Variants in ESPN observed in about 807,000 individuals in gnomAD.
ESPN encodes espin.
In ESPN, 68 loss-of-function variants were observed where a neutral mutation model predicts 77.7. The ratio of observed to expected loss-of-function variants is 0.87; its 90% CI spans 0.72 to 1.07. The LOEUF is 1.07. Ranked by LOEUF, ESPN falls within the 50% of genes least tolerant of loss-of-function variation. ESPN has a pLI of 0.00. For missense variants in ESPN, 1,060 were observed against 1,239.0 expected, an observed-to-expected ratio of 0.86 and a Z score of 2.17; for synonymous variants, 449 against 567.1, an observed-to-expected ratio of 0.79 and a Z score of 2.96.
At chr1:6,440,008 C>CAA (rs61328926) in intron 2 of ESPN, among the ~76,000 whole-genome samples, 5 of 148,440 alleles carry the variant, frequency 3.4e-5, no homozygotes, top group African/African-American at 7.4e-5. Flanking sequence ...GACTTCTTCT[C>CAA]AAAAAAAAAA....
intron 8 of ESPN, among the ~76,000 whole-genome samples, chr1:6,449,748 T>A (rs1045713129): frequency 3.3e-5 from 5 of 152,170 alleles, no homozygotes; most frequent in Non-Finnish European, 5.9e-5. Flanking sequence ...CAACCTTTTT[T>A]AAGAGCTAGA....
At chr1:6,432,501 A>G (rs1643287295) in intron 2 of ESPN, among the ~76,000 whole-genome samples, 1 of 152,208 alleles carries the variant, frequency 6.6e-6, no homozygotes, top group Non-Finnish European at 1.5e-5. Context: ...CCCTCACAGC[A>G]GGAGACCATC....
intron 2 of ESPN, 144 bp from the exon 3 acceptor site, chr1:6,440,110 G>C (rs1464556365): frequency 1.1e-6 from 1 of 877,878 alleles, no homozygotes; most frequent in South Asian, 1.4e-5. Flanking sequence ...GGAGCCCCCC[G>C]GGCAGCAGCG....
chr1:6,441,368 G>A (rs1251814134), intron 5 of ESPN, among the ~76,000 whole-genome samples: 3 of 152,200 alleles, frequency 2.0e-5, no homozygotes, highest in Admixed American at 2.0e-4. Flanking sequence ...ACATTAGCTT[G>A]GGTATAACTC....
rs1643074740 is a variant in ESPN at position 6,427,330 on chromosome 1, G to A, written c.295-896G>A. ...CCAAGTGCGGCAGCCTCTGTGTCTA[G>A]ATGTTCCCGGGAATTCTCCTCCCAG... On this transcript the variant is annotated intron_variant, in intron 1 of 12. Coordinates refer to ENST00000645284, the MANE Select transcript of ESPN (RefSeq NM_031475.3). The surrounding 1 kb of genome is among the most constrained non-coding windows in gnomAD (Gnocchi z 4.6). 6.6e-6 allele frequency among the ~76,000 whole-genome samples: 1 copy of A among 152,116 alleles called. No homozygotes were observed. The highest frequency in any genetic ancestry group is 2.1e-4 in the South Asian group (1 of 4,830).
At chr1:6,457,060 T>A in intron 10 of ESPN, 124 bp from the exon 11 acceptor site, 1 of 977,382 alleles carries the variant, frequency 1.0e-6, no homozygotes, top group East Asian at 2.6e-5. Flanking sequence ...TCCATCCACT[T>A]GTCACACAGA....
chr1:6,427,979 C>T lies in ESPN; in HGVS notation c.295-247C>T, dbSNP rs1416900891. 1.3e-5 allele frequency among the ~76,000 whole-genome samples: 2 copies of T among 152,164 alleles called. No individual in the cohort carries two copies. Among genetic ancestry groups the T allele is most frequent in the African/African-American group, 4.8e-5 (2 of 41,440 alleles). Reference sequence around the variant, plus strand: ...TCAGGACCTGCAGCCTCTGAAAACCCTGCACGGTGCTGCCTATTGGCTACG... The same window carrying T: ...TCAGGACCTGCAGCCTCTGAAAACCTTGCACGGTGCTGCCTATTGGCTACG... On this transcript the variant is annotated intron_variant, in intron 1 of 12. Coordinates refer to ENST00000645284, the MANE Select transcript of ESPN (RefSeq NM_031475.3). The surrounding 1 kb of genome is among the most constrained non-coding windows in gnomAD (Gnocchi z 4.6).
chr1:6,451,126 C>T lies in ESPN; in HGVS notation c.1916-477C>T, dbSNP rs538292595. Among the ~76,000 whole-genome samples, 17 of 152,264 alleles carry T rather than the reference C, an allele frequency of 1.1e-4. No individual in the cohort carries two copies. Among genetic ancestry groups the T allele is most frequent in the Non-Finnish European group, 1.5e-4 (10 of 68,014 alleles). The stretch of plus-strand genomic sequence containing the variant: ...AGGTGGGTACTGGCACTCTGGGGTC[C>T]GGACTTTATGTCCATGGAGGCCCCA... On this transcript the variant is annotated intron_variant, in intron 8 of 12. Transcript: ENST00000645284. The surrounding 1 kb of genome is among the most constrained non-coding windows in gnomAD (Gnocchi z 4.3).
At position 6,450,213 on chromosome 1, in the gene ESPN, C is replaced by T. The variant is rs1643920406; in HGVS notation, c.1915+1122C>T. ...TGCTAGGGGCTAGAGCCAGTGGTGG[C>T]CCTGCCCAGCCCTCAGGGGCACCAG... is the stretch of plus-strand genomic sequence containing the variant. On this transcript the variant is annotated intron_variant, in intron 8 of 12. Transcript: ENST00000645284. The surrounding 1 kb of genome is among the most constrained non-coding windows in gnomAD (Gnocchi z 4.3). Among the ~76,000 whole-genome samples, 2 of 152,174 alleles carry T rather than the reference C, an allele frequency of 1.3e-5. No homozygotes were observed. Among genetic ancestry groups the T allele is most frequent in the Non-Finnish European group, 2.9e-5 (2 of 68,028 alleles).
At position 6,448,650 on chromosome 1, in the gene ESPN, T is replaced by A; in HGVS notation, c.1474T>A (p.Cys492Ser). ...CACTGTCTTCCCGCAGCTGAGCTCC[T>A]GTGACGGCCACGACGGGCTGCGGAG... ...TEALKKELSS[C>S]DGHDGLRRQD... is the part of the protein sequence containing the mutation. The change falls in exon 8 of 13, where the codon TGT becomes AGT. Residue 492 changes from cysteine (C) to serine (S), a missense_variant. Cys to Ser is a moderately radical substitution (Grantham distance 112). Transcript: ENST00000645284. The A allele has an allele frequency of 6.4e-7, 1 of 1,562,296 alleles. No homozygotes were observed. The highest frequency in any genetic ancestry group is 8.6e-7 in the Non-Finnish European group (1 of 1,165,410).
rs1381417294 is a variant in ESPN, at chr1:6,440,644, A to C, written c.694A>C (p.Ser232Arg). The change falls in exon 4 of 13, where the codon AGC (serine) becomes CGC (arginine). Residue 232 changes from serine (S) to arginine (R), a missense_variant. By Grantham distance (110) the Ser-to-Arg change is moderately radical. This residue lies in a region of ESPN where 556 missense variants were observed against 633.6 expected (regional missense o/e 0.88). Coordinates refer to ENST00000645284, the MANE Select transcript of ESPN (RefSeq NM_031475.3). ...CGCCCAGGTGAGCTGCACCGACGTGAGCCTGTCCGAGCAGGACAAAGACGG... is the reference window on the plus strand; with the variant it reads ...CGCCCAGGTGAGCTGCACCGACGTGCGCCTGTCCGAGCAGGACAAAGACGG... ...IVWLVSCTDV[S>R]LSEQDKDGAT... The C allele has an allele frequency of 2.7e-6, 3 of 1,103,462 alleles. No homozygotes were observed. Among genetic ancestry groups the C allele is most frequent in the Non-Finnish European group, 3.7e-6 (3 of 818,550 alleles). 68.4% of individuals were successfully genotyped at this position (1,103,462 alleles called of 1,614,324 possible).
intron 2 of ESPN, among the ~76,000 whole-genome samples, chr1:6,438,366 T>A (rs750204149): frequency 6.6e-6 from 1 of 152,360 alleles, no homozygotes; most frequent in Admixed American, 6.5e-5. Context: ...CTGCAAGCAC[T>A]TCTCAGGCAC....
intron 2 of ESPN, among the ~76,000 whole-genome samples, chr1:6,436,002 C>T (rs1255494348): frequency 6.6e-6 from 1 of 152,198 alleles, no homozygotes; most frequent in East Asian, 1.9e-4. Context: ...GAGCCAGGTC[C>T]TCCTTATAGC....
At chr1:6,430,453 G>A (rs1260898188) in intron 2 of ESPN, among the ~76,000 whole-genome samples, 3 of 152,180 alleles carry the variant, frequency 2.0e-5, no homozygotes, top group Non-Finnish European at 4.4e-5. Flanking sequence ...AACAGAAAGC[G>A]CTTGAGATTG....
rs903810296 is a variant in ESPN, at chr1:6,434,252, G to A, written c.488+5833G>A. Among the ~76,000 whole-genome samples, 16 of 152,276 alleles carry A rather than the reference G, an allele frequency of 1.1e-4. No homozygotes were observed. In the South Asian group the frequency reaches 1.5e-3, roughly 14 times the overall value. On this transcript the variant is annotated intron_variant, in intron 2 of 12. Coordinates refer to ENST00000645284, the MANE Select transcript of ESPN (RefSeq NM_031475.3). ...GCTTTGCGTTCTGTGTGCATCCTGC[G>A]TGACAACCAAAAGCTAACCCCTAGG...
intron 5 of ESPN, among the ~76,000 whole-genome samples, chr1:6,441,331 T>G (rs910185365): frequency 6.6e-6 from 1 of 152,188 alleles, no homozygotes; most frequent in African/African-American, 2.4e-5. Context: ...CCACTGGGAA[T>G]AGGCAGGCTC....
intron 10 of ESPN, chr1:6,455,002 C>G: frequency 2.7e-6 from 1 of 376,630 alleles, no homozygotes; most frequent in East Asian, 3.8e-5. Flanking sequence ...GGCGCGGCGC[C>G]CGCGCGCTGT....
chr1:6,442,867 CAAAAAA>C (rs35404098), intron 5 of ESPN, among the ~76,000 whole-genome samples: 2 of 51,196 alleles, frequency 3.9e-5, no homozygotes, highest in Non-Finnish European at 3.7e-5. Flanking sequence ...GACGCTGTCT[CAAAAAA>C]AAAAAAAAAA....
rs1005676774 is a variant in ESPN at position 6,448,963 on chromosome 1, C to T, written c.1787C>T (p.Pro596Leu). The T allele has an allele frequency of 2.5e-5, 35 of 1,403,216 alleles. No homozygotes were observed. The African/African-American group carries it at 4.7e-4, about 19-fold the overall frequency. The allele number at this position is 1,403,216 out of a possible 1,614,324, so 86.9% of individuals were successfully genotyped here. A position where few individuals can be genotyped will look rare whatever the true frequency, so the allele number is the denominator to read the frequency against. ...GACCCCAAGGCGTCCAGGGAGCTGC[C>T]ACCGCCGCCCCCACCGCCGCCGCCG... ...AADPKASREL[P>L]PPPPPPPPPL... Residue 596 changes from proline to leucine, a missense_variant, in exon 8 of 13, where the codon CCA becomes CTA. By Grantham distance (98) the Pro-to-Leu change is moderately conservative. Transcript: ENST00000645284.
Sources: allele counts gnomAD v4.1 joint callset (sites outside exome capture counted in the v4.1 genomes callset), GRCh38; gene constraint gnomAD v4.1.1; regional missense constraint gnomAD v4.1.1; non-coding constraint Gnocchi (gnomAD v3.1); transcripts MANE v1.5; gene names NCBI Gene and HGNC (gene_info 2026-07-23, HGNC 2026-07-21).